UBASH3B: variants seen among roughly 807,000 people sequenced by gnomAD.
The protein encoded by UBASH3B is ubiquitin-associated and SH3 domain-containing protein B.
A neutral mutation model predicts 83.4 loss-of-function variants in UBASH3B; 37 were observed. The ratio of observed to expected loss-of-function variants is 0.44; its 90% CI spans 0.34 to 0.58. The LOEUF is 0.58. Among genes scored for constraint, UBASH3B ranks in the 20% least tolerant of loss-of-function variants. UBASH3B has a pLI of 0.01. For missense variants in UBASH3B, 657 were observed against 827.2 expected, an observed-to-expected ratio of 0.79 and a Z score of 2.52; for synonymous variants, 304 against 318.3, an observed-to-expected ratio of 0.96 and a Z score of 0.48.
At chr11:122,665,263 G>A (rs185665412) in intron 1 of UBASH3B, among the ~76,000 whole-genome samples, 1,788 of 152,142 alleles carry the variant, frequency 0.012, 20 homozygotes, top group Non-Finnish European at 0.018. Context: ...TTGCAGCCTC[G>A]AACACTTGGG....
intron 1 of UBASH3B, among the ~76,000 whole-genome samples, chr11:122,699,531 C>CTCTTTTTCTTTCTTTCTTTCTT (rs1555137138): frequency 1.5e-4 from 16 of 107,866 alleles, no homozygotes; most frequent in African/African-American, 4.6e-4. Flanking sequence ...TTCTTTCTTT[C>CTCTTTTTCTTTCTTTCTTTCTT]TCTTTCTTTC....
At chr11:122,808,598 A>C (rs1002480528) in intron 13 of UBASH3B, among the ~76,000 whole-genome samples, 14 of 152,214 alleles carry the variant, frequency 9.2e-5, no homozygotes, top group African/African-American at 3.4e-4. Context: ...GAGGAGGCTA[A>C]AAGGCAAAGC....
chr11:122,808,398 A>G (rs1479434995), intron 13 of UBASH3B, among the ~76,000 whole-genome samples: 1 of 152,256 alleles, frequency 6.6e-6, no homozygotes, highest in Non-Finnish European at 1.5e-5. Context: ...TCTAGCTTCT[A>G]AGAGCTAAAA....
intron 1 of UBASH3B, among the ~76,000 whole-genome samples, chr11:122,715,603 C>T (rs988139113): frequency 8.5e-5 from 13 of 152,210 alleles, no homozygotes; most frequent in Admixed American, 2.0e-4. Flanking sequence ...CCAGTAATGA[C>T]GGCTCCTCTC....
intron 1 of UBASH3B, among the ~76,000 whole-genome samples, chr11:122,670,982 C>T (rs1488955838): frequency 4.6e-5 from 7 of 151,984 alleles, no homozygotes; most frequent in Non-Finnish European, 1.5e-5. Context: ...AGGCTGGTCT[C>T]GAACTCCTGA....
intron 1 of UBASH3B, among the ~76,000 whole-genome samples, chr11:122,764,558 G>A (rs1231838381): frequency 6.6e-6 from 1 of 152,198 alleles, no homozygotes; most frequent in Non-Finnish European, 1.5e-5. Flanking sequence ...CTTGGCTTGC[G>A]CAGCTCTTAG....
intron 1 of UBASH3B, among the ~76,000 whole-genome samples, chr11:122,691,105 G>C (rs991015109): frequency 4.6e-5 from 7 of 152,140 alleles, no homozygotes; most frequent in African/African-American, 1.7e-4. Flanking sequence ...TGGTTAACTT[G>C]TTGTCCAGAT....
At chr11:122,787,042 G>T (rs991673820) in intron 5 of UBASH3B, among the ~76,000 whole-genome samples, 38 of 142,282 alleles carry the variant, frequency 2.7e-4, no homozygotes. Context: ...CTCTGAAATC[G>T]CATGAGTTTC....
chr11:122,804,141 G>A (rs1340653496), intron 11 of UBASH3B, among the ~76,000 whole-genome samples: 1 of 152,094 alleles, frequency 6.6e-6, no homozygotes, highest in Non-Finnish European at 1.5e-5. Context: ...CATACAAAGT[G>A]GACTTTTGTC....
Position 122,777,186 on chromosome 11 carries a change from C to T in UBASH3B, c.378C>T (p.His126=), listed in dbSNP as rs1860752141. The T allele has an allele frequency of 6.2e-7, 1 of 1,613,632 alleles. No homozygotes were observed. The highest frequency in any genetic ancestry group is 8.5e-7 in the Non-Finnish European group (1 of 1,179,754). The change falls in exon 3 of 14, where the codon CAC becomes CAT. Residue 126 remains histidine (H), a synonymous_variant. Transcript: ENST00000284273. ...GKNKAHNIFP[H]ITLCQFFMCE... is the part of the protein sequence containing the mutation. ...ACAAGGCACACAACATCTTCCCCCA[C>T]ATCACACTCTGCCAGTTCTTTATGG...
chr11:122,680,683 G>T (rs561045621), intron 1 of UBASH3B, among the ~76,000 whole-genome samples: 1 of 152,154 alleles, frequency 6.6e-6, no homozygotes, highest in Admixed American at 6.5e-5. Flanking sequence ...GGCTGGTCTT[G>T]AACTCCCGAC....
intron 1 of UBASH3B, among the ~76,000 whole-genome samples, chr11:122,725,773 A>G (rs1242121454): frequency 6.6e-6 from 1 of 152,070 alleles, no homozygotes; most frequent in Non-Finnish European, 1.5e-5. Flanking sequence ...GGCTCACTGC[A>G]ACCTCCGCCT....
At chr11:122,793,364 C>T (rs984579565) in intron 6 of UBASH3B, among the ~76,000 whole-genome samples, 1 of 152,126 alleles carries the variant, frequency 6.6e-6, no homozygotes, top group African/African-American at 2.4e-5. Context: ...GCCTGGGCGA[C>T]AAGAGCAATA....
At chr11:122,740,933 C>T (rs896884587) in intron 1 of UBASH3B, among the ~76,000 whole-genome samples, 4 of 152,136 alleles carry the variant, frequency 2.6e-5, no homozygotes, top group African/African-American at 9.7e-5. Flanking sequence ...ATAATGTGTA[C>T]ATAAAATGGG....
chr11:122,667,374 G>A (rs1200143649), intron 1 of UBASH3B, among the ~76,000 whole-genome samples: 1 of 152,086 alleles, frequency 6.6e-6, no homozygotes, highest in Non-Finnish European at 1.5e-5. Context: ...GTATATGTAT[G>A]TATATACTGT....
intron 1 of UBASH3B, among the ~76,000 whole-genome samples, chr11:122,720,964 G>A (rs1284761318): frequency 5.9e-5 from 9 of 151,946 alleles, no homozygotes; most frequent in Admixed American, 6.6e-5. Context: ...TGAATGACTC[G>A]GCCAGGCGCG....
chr11:122,661,716 T>G (rs1012276151), intron 1 of UBASH3B, among the ~76,000 whole-genome samples: 4 of 152,160 alleles, frequency 2.6e-5, no homozygotes, highest in African/African-American at 9.7e-5. Context: ...ATATGCTTTG[T>G]TTTAAGATGA....
intron 1 of UBASH3B, among the ~76,000 whole-genome samples, chr11:122,740,518 T>C (rs1861007115): frequency 6.6e-6 from 1 of 152,252 alleles, no homozygotes; most frequent in Non-Finnish European, 1.5e-5. Flanking sequence ...TTTATTTCAC[T>C]TGATGCACAC....
chr11:122,744,898 T>TGC (rs148530696), intron 1 of UBASH3B, among the ~76,000 whole-genome samples: 5 of 107,926 alleles, frequency 4.6e-5, no homozygotes, highest in East Asian at 2.1e-4. Flanking sequence ...TGTGTGTGTG[T>TGC]GCGCGCGCGC....
Sources: gnomAD v4.1 joint callset for allele counts (sites outside exome capture counted in the v4.1 genomes callset) on GRCh38, gnomAD v4.1.1 for gene constraint, MANE v1.5 for transcripts, NCBI Gene and HGNC (gene_info 2026-07-23, HGNC 2026-07-21) for gene names.